PRAMEF15: variants seen among roughly 807,000 people sequenced by gnomAD.
The protein encoded by PRAMEF15 is PRAME family member 9/15.
PRAMEF15 carries 21 observed loss-of-function variants against 35.3 expected under a neutral mutation model. The observed-to-expected ratio is 0.59, with a 90% CI of 0.42 to 0.86. The LOEUF is 0.86. PRAMEF15 is among the 40% of genes least tolerant of loss of function. PRAMEF15 has a pLI of 0.00. For missense variants in PRAMEF15, 360 were observed against 574.1 expected (o/e 0.63, Z 3.81); for synonymous variants, 122 against 223.3 (o/e 0.55, Z 4.05).
chr1:13,317,493 G>A (rs797038230), intron 1 of PRAMEF15, among the ~76,000 whole-genome samples: 1 of 152,078 alleles, frequency 6.6e-6, no homozygotes, highest in East Asian at 1.9e-4. Flanking sequence ...ATGAGGCTGG[G>A]GTGGAGGCTC....
At position 13,321,689 on chromosome 1, in the gene PRAMEF15, C is replaced by G; in HGVS notation, c.876-14C>G. ...ATGATTCCCCAGAATTAACTTCTTG[C>G]TCTCTCTCCCCAGCTGTCTGAAGAC... is the stretch of plus-strand genomic sequence containing the variant. On this transcript the variant is annotated splice_polypyrimidine_tract_variant and intron_variant, in intron 3 of 3. Coordinates refer to ENST00000376152, the MANE Select transcript of PRAMEF15 (RefSeq NM_001098376.3). 6.2e-7 allele frequency: 1 copy of G among 1,607,388 alleles called. No homozygotes were observed. Among genetic ancestry groups the G allele is most frequent in the Non-Finnish European group, 8.5e-7 (1 of 1,177,278 alleles).
At chr1:13,317,671 G>T (rs1305205725) in intron 1 of PRAMEF15, among the ~76,000 whole-genome samples, 2 of 151,726 alleles carry the variant, frequency 1.3e-5, no homozygotes, top group African/African-American at 4.8e-5. Flanking sequence ...CAGCAACTTG[G>T]GAGGCTGAGG....
In PRAMEF15 at chr1:13,322,020, A is replaced by G; in HGVS notation, c.1193A>G (p.Glu398Gly). 4 of 1,609,768 alleles carry G rather than the reference A, an allele frequency of 2.5e-6. No individual in the cohort carries two copies. The highest frequency in any genetic ancestry group is 3.4e-6 in the Non-Finnish European group (4 of 1,178,840). ...CGNPICMATL[E>G]NLLSHTIILK... ...AATCCCATCTGCATGGCCACCCTGG[A>G]GAACCTGCTGAGCCACACAATCATA... The change falls in exon 4 of 4, where the codon GAG becomes GGG. Residue 398 changes from glutamate (E) to glycine (G), a missense_variant. Physicochemically the swap from Glu to Gly is moderately conservative, Grantham distance 98 (BLOSUM62 -2). This residue lies in a region of PRAMEF15 where 147 missense variants were observed against 123.5 expected (regional missense o/e 1.19). Coordinates refer to ENST00000376152, the MANE Select transcript of PRAMEF15 (RefSeq NM_001098376.3).
intron 3 of PRAMEF15, among the ~76,000 whole-genome samples, chr1:13,321,255 C>A (rs1419877361): frequency 6.8e-6 from 1 of 146,916 alleles, no homozygotes; most frequent in Non-Finnish European, 1.5e-5. Context: ...CTCTCTGTCA[C>A]CCAGGCTGGA....
At chr1:13,317,091 A>T (rs371399597) in intron 1 of PRAMEF15, among the ~76,000 whole-genome samples, 2,442 of 146,808 alleles carry the variant, frequency 0.017, 25 homozygotes, top group African/African-American at 0.053. Context: ...TCTGTCTCTC[A>T]GTTCAATCTA....
intron 3 of PRAMEF15, 115 bp downstream of exon 3, chr1:13,320,068 A>G (rs1200967033): frequency 6.3e-7 from 1 of 1,586,326 alleles, no homozygotes; most frequent in Non-Finnish European, 8.5e-7. Flanking sequence ...AGAGGACACT[A>G]GAATGTCCAT....
intron 1 of PRAMEF15, among the ~76,000 whole-genome samples, chr1:13,316,963 G>T (rs900363909): frequency 0.93 from 135,222 of 145,322 alleles, 63,132 homozygotes; most frequent in African/African-American, 0.96. Context: ...ACCCTATCCC[G>T]AAATCTTTCA....
At chr1:13,317,007 T>A (rs1553167184) in intron 1 of PRAMEF15, among the ~76,000 whole-genome samples, 75,687 of 134,344 alleles carry the variant, frequency 0.56, 19,475 homozygotes, top group African/African-American at 0.64. Context: ...CGATCAGTTA[T>A]TCTTTAAGAA....
chr1:13,319,532 T>C lies in PRAMEF15; in HGVS notation c.454T>C (p.Phe152Leu), dbSNP rs1405123304. 1 of 1,613,816 alleles carries C rather than the reference T, an allele frequency of 6.2e-7. No homozygotes were observed. The highest frequency in any genetic ancestry group is 8.5e-7 in the Non-Finnish European group (1 of 1,179,868). ...GAGAGGACGGCAGCCCTTGACTGTGTTCGTAGAACTTTGGCTCAAGAACAG... is the reference window on the plus strand; with the variant it reads ...GAGAGGACGGCAGCCCTTGACTGTGCTCGTAGAACTTTGGCTCAAGAACAG... Reference protein sequence around the residue: ...RMRGRQPLTVFVELWLKNRTL... With the variant: ...RMRGRQPLTVLVELWLKNRTL... The change falls in exon 3 of 4, where the codon TTC (phenylalanine) becomes CTC (leucine). Residue 152 changes from phenylalanine to leucine, a missense_variant. Coordinates refer to ENST00000376152, the MANE Select transcript of PRAMEF15 (RefSeq NM_001098376.3).
chr1:13,320,173 G>C (rs1258102626), intron 3 of PRAMEF15, among the ~76,000 whole-genome samples: 3 of 152,218 alleles, frequency 2.0e-5, no homozygotes, highest in Non-Finnish European at 4.4e-5. Flanking sequence ...CTATGGAGAG[G>C]CTGCCATGCT....
chr1:13,322,170 G>C lies in PRAMEF15; in HGVS notation c.1343G>C (p.Arg448Thr), dbSNP rs1640093411. ...CTGATGAACAGAGTGAGGGACTTAA[G>C]GCACCCCAAGAGGATCTTGTTCTGT... is the stretch of plus-strand genomic sequence containing the variant. ...AELMNRVRDL[R>T]HPKRILFCTD... is the part of the protein sequence containing the mutation. The change falls in exon 4 of 4, where the codon AGG becomes ACG. Residue 448 changes from arginine (R) to threonine (T), a missense_variant. By Grantham distance (71) the Arg-to-Thr change is moderately conservative (BLOSUM62 -1). Around this residue, in one of 8 missense-constraint regions of PRAMEF15, gnomAD observed 147 missense variants for 123.5 expected, o/e 1.19. Transcript: ENST00000376152. 1 of 1,608,824 alleles carries C rather than the reference G, an allele frequency of 6.2e-7. No individual in the cohort carries two copies. The highest frequency in any genetic ancestry group is 1.7e-5 in the Admixed American group (1 of 59,554).
intron 1 of PRAMEF15, among the ~76,000 whole-genome samples, chr1:13,318,060 T>C (rs1640029652): frequency 6.6e-6 from 1 of 152,018 alleles, no homozygotes; most frequent in Non-Finnish European, 1.5e-5. Context: ...CCCATTCCCA[T>C]TGTTTTAGAT....
At chr1:13,321,612 G>A (rs1640084527) in intron 3 of PRAMEF15, 91 bp from the exon 4 acceptor site, 3 of 1,291,872 alleles carry the variant, frequency 2.3e-6, no homozygotes, top group African/African-American at 1.4e-5. Context: ...TGGGCAAAAA[G>A]GTCTCCATCC....
At chr1:13,317,419 A>G (rs1204557554) in intron 1 of PRAMEF15, among the ~76,000 whole-genome samples, 1,620 of 146,450 alleles carry the variant, frequency 0.011, 14 homozygotes, top group East Asian at 0.1. Flanking sequence ...GGAAACATCT[A>G]TCTTGCGAAT....
rs1419060767 is a variant in PRAMEF15, at chr1:13,318,334, A to T, written c.-16-58A>T. ...GTGAGTTTGGCCATAGGAGAAGATGAGATTGCATGGGCTTGGCCTGAGAGT... is the reference window on the plus strand; with the variant it reads ...GTGAGTTTGGCCATAGGAGAAGATGTGATTGCATGGGCTTGGCCTGAGAGT... On this transcript the variant is annotated intron_variant, in intron 1 of 3. Transcript: ENST00000376152. 10 of 1,580,322 alleles carry T rather than the reference A, an allele frequency of 6.3e-6. No individual in the cohort carries two copies. The East Asian group carries it at 2.2e-4, about 35-fold the overall frequency.
rs1230671753 is a variant in PRAMEF15 at position 13,322,028 on chromosome 1, C to A, written c.1201C>A (p.Leu401Met). 4 of 1,609,804 alleles carry A rather than the reference C, an allele frequency of 2.5e-6. No homozygotes were observed. In the Admixed American group the frequency reaches 6.7e-5, roughly 27 times the overall value. ...PICMATLENLLSHTIILKNLC... is the reference protein window; with the variant it reads ...PICMATLENLMSHTIILKNLC... ...CTGCATGGCCACCCTGGAGAACCTG[C>A]TGAGCCACACAATCATACTCAAAAA... Residue 401 changes from leucine (L) to methionine (M), a missense_variant, in exon 4 of 4, where the codon CTG becomes ATG. Physicochemically the swap from Leu to Met is conservative, Grantham distance 15. Coordinates refer to ENST00000376152, the MANE Select transcript of PRAMEF15 (RefSeq NM_001098376.3).
At position 13,321,622 on chromosome 1, in the gene PRAMEF15, C is replaced by A. The variant is rs1371820932; in HGVS notation, c.876-81C>A. ...GGACTTGGGCAAAAAGGTCTCCATC[C>A]ATTACCTTGAAGCCATTCCCCACCA... On this transcript the variant is annotated intron_variant, in intron 3 of 3. Coordinates refer to ENST00000376152, the MANE Select transcript of PRAMEF15 (RefSeq NM_001098376.3). 50 of 1,375,830 alleles carry A rather than the reference C, an allele frequency of 3.6e-5. No homozygotes were observed. In the African/African-American group the frequency reaches 6.2e-4, roughly 17 times the overall value. 85.2% of individuals were successfully genotyped at this position (1,375,830 alleles called of 1,614,324 possible).
At chr1:13,320,647 C>T (rs1242918136) in intron 3 of PRAMEF15, among the ~76,000 whole-genome samples, 1 of 152,020 alleles carries the variant, frequency 6.6e-6, no homozygotes, top group Non-Finnish European at 1.5e-5. Flanking sequence ...TATTCTCCAA[C>T]TCCTGACTTC....
At chr1:13,320,398 G>C (rs1640068346) in intron 3 of PRAMEF15, among the ~76,000 whole-genome samples, 1 of 152,038 alleles carries the variant, frequency 6.6e-6, no homozygotes, top group Non-Finnish European at 1.5e-5. Flanking sequence ...TGTCAGAAAT[G>C]AATAAATAAA....
Sources: gnomAD v4.1 joint callset for allele counts (sites outside exome capture counted in the v4.1 genomes callset) on GRCh38, gnomAD v4.1.1 for gene constraint, gnomAD v4.1.1 regional missense constraint, MANE v1.5 for transcripts, NCBI Gene and HGNC (gene_info 2026-07-23, HGNC 2026-07-21) for gene names.